MECOM: variants seen among roughly 807,000 people sequenced by gnomAD.
MECOM encodes MDS1 and EVI1 complex locus, also known as histone-lysine N-methyltransferase MECOM.
MECOM carries 13 observed loss-of-function variants against 116.3 expected under a neutral mutation model. That is an observed-to-expected ratio of 0.11 (90% CI 0.07 to 0.18). The LOEUF (loss-of-function observed/expected upper bound fraction) is 0.18. Among genes scored for constraint, MECOM ranks in the 10% least tolerant of loss-of-function variants. MECOM has a pLI of 1.00. For missense variants in MECOM, 1,299 were observed against 1,509.0 expected (o/e 0.86, Z 2.31); for synonymous variants, 528 against 535.2 (o/e 0.99, Z 0.19).
chr3:169,360,261 T>C (rs1417576782), intron 2 of MECOM, among the ~76,000 whole-genome samples: 7 of 121,442 alleles, frequency 5.8e-5, no homozygotes, highest in African/African-American at 2.3e-4. Flanking sequence ...ATGAACCCGG[T>C]ACCTCAGACC....
At position 169,116,308 on chromosome 3, in the gene MECOM, T is replaced by C. The variant is rs1301768466; in HGVS notation, c.1564A>G (p.Asn522Asp). ...GTCATGAGGGGACTTTGACTTTTGT[T>C]TGTCTGTTCAGTACTTGATAGTCCT... ...VKGLSSTEQT[N>D]KSQSPLMTHP... The change falls in exon 8 of 17, where the codon AAC becomes GAC. Residue 522 changes from asparagine to aspartate, a missense_variant. This residue lies in a region of MECOM where 238 missense variants were observed against 273.1 expected (regional missense o/e 0.87). Transcript: ENST00000651503. 3.7e-6 allele frequency: 6 copies of C among 1,614,106 alleles called. No individual in the cohort carries two copies. In the African/African-American group the frequency reaches 6.7e-5, roughly 18 times the overall value.
chr3:169,638,852 G>A (rs535576842), intron 1 of MECOM, among the ~76,000 whole-genome samples: 8 of 152,224 alleles, frequency 5.3e-5, no homozygotes, highest in Non-Finnish European at 1.2e-4. Context: ...GCCCACTCAA[G>A]GCATCTTCTC....
chr3:169,338,489 G>A (rs962209122), intron 2 of MECOM, among the ~76,000 whole-genome samples: 2 of 152,076 alleles, frequency 1.3e-5, no homozygotes, highest in Admixed American at 6.6e-5. Context: ...GAATTGAAAT[G>A]GTGTGAACTG....
At chr3:169,310,156 TATAAGATTAAAGAC>T (rs1238814444) in intron 2 of MECOM, among the ~76,000 whole-genome samples, 2 of 152,362 alleles carry the variant, frequency 1.3e-5, no homozygotes, top group East Asian at 3.9e-4. Context: ...ATTGTGTCTT[TATAAGATTAAAGAC>T]ATTTTTTCCC....
chr3:169,305,534 T>C (rs1322619663), intron 2 of MECOM, among the ~76,000 whole-genome samples: 2 of 152,184 alleles, frequency 1.3e-5, no homozygotes, highest in Non-Finnish European at 2.9e-5. Context: ...GAGAGTGCCT[T>C]GCCAGTAACC....
chr3:169,396,815 A>G (rs1316307593), intron 1 of MECOM, among the ~76,000 whole-genome samples: 1 of 152,146 alleles, frequency 6.6e-6, no homozygotes, highest in Non-Finnish European at 1.5e-5. Context: ...ACTAAAAAAA[A>G]TACAAAAACT....
intron 4 of MECOM, among the ~76,000 whole-genome samples, 155 bp downstream of exon 4, chr3:169,131,274 A>G (rs1307413986): frequency 6.6e-6 from 1 of 152,220 alleles, no homozygotes; most frequent in African/African-American, 2.4e-5. Flanking sequence ...CAGATGTCAA[A>G]CCAAGAAAAT....
intron 1 of MECOM, among the ~76,000 whole-genome samples, chr3:169,389,132 C>T (rs182824703): frequency 1.5e-4 from 23 of 152,310 alleles, no homozygotes; most frequent in Admixed American, 9.8e-4. Flanking sequence ...AGACATTTCA[C>T]TAAATAAATA....
At chr3:169,159,332 G>A (rs2149344221) in intron 2 of MECOM, among the ~76,000 whole-genome samples, 1 of 152,160 alleles carries the variant, frequency 6.6e-6, no homozygotes, top group Non-Finnish European at 1.5e-5. Context: ...CGCCAAGGTG[G>A]GCAGATCACG....
chr3:169,094,238 T>C (rs1194692326), intron 13 of MECOM, among the ~76,000 whole-genome samples: 1 of 152,162 alleles, frequency 6.6e-6, no homozygotes, highest in African/African-American at 2.4e-5. Flanking sequence ...AGATTGCTAG[T>C]CTGTATTAAT....
chr3:169,175,352 A>G (rs555521067), intron 2 of MECOM, among the ~76,000 whole-genome samples: 1 of 152,306 alleles, frequency 6.6e-6, no homozygotes, highest in East Asian at 1.9e-4. Flanking sequence ...ATAGGTGGCT[A>G]AAACAGTGAT....
At chr3:169,289,176 A>C (rs1343677450) in intron 2 of MECOM, among the ~76,000 whole-genome samples, 1 of 152,236 alleles carries the variant, frequency 6.6e-6, no homozygotes, top group Non-Finnish European at 1.5e-5. Context: ...CTAAGAAATT[A>C]GTTGAAAACA....
At chr3:169,263,520 GCACACA>G (rs3077288) in intron 2 of MECOM, among the ~76,000 whole-genome samples, 49 of 146,406 alleles carry the variant, frequency 3.3e-4, no homozygotes, top group Non-Finnish European at 7.6e-5. Flanking sequence ...CAGAGCACTT[GCACACA>G]CACACACACA....
chr3:169,301,925 C>T (rs1452010919), intron 2 of MECOM, among the ~76,000 whole-genome samples: 1 of 152,142 alleles, frequency 6.6e-6, no homozygotes, highest in Non-Finnish European at 1.5e-5. Flanking sequence ...GGGCTTAGCA[C>T]TGACATCAGT....
At chr3:169,472,041 G>A (rs1749331106) in intron 1 of MECOM, among the ~76,000 whole-genome samples, 1 of 152,016 alleles carries the variant, frequency 6.6e-6, no homozygotes, top group Non-Finnish European at 1.5e-5. Context: ...GACTACATGT[G>A]CAAGGATCCT....
At chr3:169,460,289 T>TAGA (rs1328201464) in intron 1 of MECOM, among the ~76,000 whole-genome samples, 8 of 152,188 alleles carry the variant, frequency 5.3e-5, no homozygotes, top group African/African-American at 1.9e-4. Context: ...CTTCATCCTA[T>TAGA]AGAACTCTAT....
At chr3:169,464,240 C>T (rs1014175084) in intron 1 of MECOM, 7 of 152,106 alleles carry the variant, frequency 4.6e-5, no homozygotes, top group South Asian at 4.1e-4. Flanking sequence ...AGTTGAGACA[C>T]GGAACATTTT....
At chr3:169,271,258 C>T (rs1758911914) in intron 2 of MECOM, among the ~76,000 whole-genome samples, 1 of 152,128 alleles carries the variant, frequency 6.6e-6, no homozygotes, top group Non-Finnish European at 1.5e-5. Context: ...GGGTTGCAGC[C>T]CCCAGCCCTG....
At chr3:169,330,169 G>T (rs1453001292) in intron 2 of MECOM, among the ~76,000 whole-genome samples, 3 of 152,254 alleles carry the variant, frequency 2.0e-5, no homozygotes, top group South Asian at 4.2e-4. Context: ...GAGACTGCAG[G>T]TATCTGCCAC....
Sources: gnomAD v4.1 joint callset for allele counts (sites outside exome capture counted in the v4.1 genomes callset) on GRCh38, gnomAD v4.1.1 for gene constraint, gnomAD v4.1.1 regional missense constraint, MANE v1.5 for transcripts, NCBI Gene and HGNC (gene_info 2026-07-23, HGNC 2026-07-21) for gene names.